Variants in DIABLO observed in about 807,000 individuals in gnomAD.
DIABLO encodes the protein diablo IAP-binding mitochondrial protein.
Under a neutral mutation model 31.7 loss-of-function variants are expected in DIABLO, and 32 were observed. The ratio of observed to expected loss-of-function variants is 1.01; its 90% confidence interval spans 0.76 to 1.35. DIABLO has a LOEUF of 1.35. DIABLO is among the 40% of genes most tolerant of loss of function. The pLI, the probability that DIABLO is intolerant of heterozygous loss-of-function variation, is 0.00. For missense variants in DIABLO, 316 were observed against 286.4 expected, an observed-to-expected ratio of 1.10 and a Z score of -0.75; for synonymous variants, 132 against 103.2, an observed-to-expected ratio of 1.28 and a Z score of -1.69.
At chr12:122,227,395 CG>C (rs1395992455), upstream of DIABLO, 2 of 454,148 alleles carry the variant, frequency 4.4e-6, no homozygotes, top group Admixed American at 4.7e-5. Context: ...TGAAGCTCCG[CG>C]GTTCTGTCTG....
At chr12:122,223,757 T>C (rs1432261695) in intron 2 of DIABLO, among the ~76,000 whole-genome samples, 1 of 152,186 alleles carries the variant, frequency 6.6e-6, no homozygotes, top group African/African-American at 2.4e-5. Flanking sequence ...CACCTTTATC[T>C]AAAACAAAAC....
chr12:122,215,881 AG>A (rs199849918), intron 5 of DIABLO, among the ~76,000 whole-genome samples: 36,167 of 92,690 alleles, frequency 0.39, 5,430 homozygotes, highest in East Asian at 0.68. Flanking sequence ...TATTTTATGA[AG>A]GAAAAAAAAA....
At chr12:122,226,810 C>A (rs1256777257), upstream of DIABLO, among the ~76,000 whole-genome samples, 1 of 152,272 alleles carries the variant, frequency 6.6e-6, no homozygotes, top group African/African-American at 2.4e-5. Flanking sequence ...AAGCCCGGCT[C>A]TTCCCCGCGC....
intron 1 of DIABLO, chr12:122,225,364 G>A (rs187210341): frequency 2.9e-4 from 282 of 982,696 alleles, no homozygotes; most frequent in Admixed American, 1.7e-3. Flanking sequence ...TCCAGCCTGG[G>A]CGACAGAGGC....
chr12:122,209,940 C>T lies in DIABLO; in HGVS notation c.524-1363G>A, dbSNP rs56346591. ...ATCTCTTCATAATTGTACTTAGATTCGAATCATAAATGGCTACTACACTGA... is the reference window on the plus strand; with the variant it reads ...ATCTCTTCATAATTGTACTTAGATTTGAATCATAAATGGCTACTACACTGA... On this transcript the variant is annotated intron_variant, in intron 5 of 5. Transcript: ENST00000464942. 4,963 of 622,732 alleles carry T rather than the reference C, an allele frequency of 8.0e-3. 125 individuals are homozygous for T. Among genetic ancestry groups the T allele is most frequent in the African/African-American group, 0.067 (3,661 of 54,716 alleles). The allele number at this position is 622,732 out of a possible 1,614,324, so 38.6% of individuals were successfully genotyped here.
At chr12:122,212,332 A>C (rs1195502312) in intron 5 of DIABLO, among the ~76,000 whole-genome samples, 1 of 152,200 alleles carries the variant, frequency 6.6e-6, no homozygotes, top group Non-Finnish European at 1.5e-5. Context: ...AAAAAATCTT[A>C]GTAGCTTCTC....
chr12:122,218,198 C>A lies in DIABLO; in HGVS notation c.315+68G>T, dbSNP rs1384501739. On this transcript the variant is annotated intron_variant, in intron 3 of 5. Coordinates refer to ENST00000464942, the MANE Select transcript of DIABLO (RefSeq NM_001371333.1). ...CAAATACCAACATGGGTATCAGACACAATTTGGTTGTGAGCCATTATTTGC... is the reference window on the plus strand; with the variant it reads ...CAAATACCAACATGGGTATCAGACAAAATTTGGTTGTGAGCCATTATTTGC... The A allele has an allele frequency of 7.0e-6, 11 of 1,576,162 alleles. No individual in the cohort carries two copies. In the African/African-American group the frequency reaches 8.1e-5, roughly 12 times the overall value.
intron 5 of DIABLO, chr12:122,209,872 C>T (rs911675959): frequency 1.3e-5 from 9 of 697,006 alleles, no homozygotes; most frequent in Non-Finnish European, 2.4e-5. Context: ...AAAGTCCACA[C>T]AATTAAGTAG....
At position 122,226,036 on chromosome 12, in the gene DIABLO, A is replaced by T. The variant is rs575804286; in HGVS notation, c.-22T>A. 3 of 1,598,392 alleles carry T rather than the reference A, an allele frequency of 1.9e-6. No homozygotes were observed. Among genetic ancestry groups the T allele is most frequent in the Non-Finnish European group, 2.6e-6 (3 of 1,174,186 alleles). On this transcript the variant is annotated 5_prime_UTR_variant, in exon 1 of 6. Transcript: ENST00000464942. ...CCATTGTGCAGCGCGCGGACGCCAG[A>T]CGCACACGCCGGAAGTGACGCAGCT...
intron 5 of DIABLO, among the ~76,000 whole-genome samples, chr12:122,213,305 G>C (rs1292658355): frequency 6.6e-6 from 1 of 151,276 alleles, no homozygotes; most frequent in Admixed American, 6.6e-5. Flanking sequence ...CAAGGCGGGT[G>C]GATCACTTGA....
chr12:122,226,613 C>G, upstream of DIABLO: 1 of 680,480 alleles, frequency 1.5e-6, no homozygotes, highest in Non-Finnish European at 2.7e-6. Flanking sequence ...CGGGCTGGCG[C>G]CGTCCCAGAG....
intron 1 of DIABLO, chr12:122,225,355 C>G (rs576361960): frequency 1.0e-6 from 1 of 978,164 alleles, no homozygotes; most frequent in Non-Finnish European, 1.2e-6. Flanking sequence ...CCACTGCACT[C>G]CAGCCTGGGC....
intron 5 of DIABLO, chr12:122,209,856 C>T: frequency 5.7e-6 from 4 of 701,130 alleles, no homozygotes. Flanking sequence ...GATGAAAACA[C>T]TTCTGAAAGT....
chr12:122,226,637 C>T, upstream of DIABLO: 1 of 669,248 alleles, frequency 1.5e-6, no homozygotes, highest in Non-Finnish European at 2.7e-6. Flanking sequence ...CGGACGGGAA[C>T]ACACGAGGTC....
chr12:122,213,114 G>A (rs1048416511), intron 5 of DIABLO, among the ~76,000 whole-genome samples: 2 of 151,964 alleles, frequency 1.3e-5, no homozygotes, highest in East Asian at 3.9e-4. Flanking sequence ...GGGTTTCATC[G>A]TGTTGTCAAG....
At chr12:122,227,139 T>C (rs1466012514), upstream of DIABLO, among the ~76,000 whole-genome samples, 1 of 152,180 alleles carries the variant, frequency 6.6e-6, no homozygotes, top group African/African-American at 2.4e-5. Context: ...TGCCAGGTGG[T>C]GGGTGGGCAT....
chr12:122,219,865 C>CA lies in DIABLO; in HGVS notation c.184-1469dup, dbSNP rs759696825. ...GGGCGACAGAGCAAGACTCTTTCGC[C>CA]AAAAAAAAAAAAAGTGGATGGGGGA... On this transcript the variant is annotated intron_variant, in intron 2 of 5. Coordinates refer to ENST00000464942, the MANE Select transcript of DIABLO (RefSeq NM_001371333.1). Among the ~76,000 whole-genome samples the CA allele has an allele frequency of 2.4e-3, 284 of 120,398 alleles. 1 individual carries two copies. The highest frequency in any genetic ancestry group is 3.6e-3 in the Admixed American group (43 of 12,030). 79.0% of individuals were successfully genotyped at this position (120,398 alleles called of 152,430 possible).
chr12:122,211,162 G>A (rs915410887), intron 5 of DIABLO, among the ~76,000 whole-genome samples: 1 of 149,944 alleles, frequency 6.7e-6, no homozygotes, highest in African/African-American at 2.5e-5. Context: ...CACTTTGGGA[G>A]GCTGAGGCAG....
chr12:122,209,851 A>T, intron 5 of DIABLO: 1 of 701,684 alleles, frequency 1.4e-6, no homozygotes, highest in Non-Finnish European at 2.6e-6. Context: ...ACTTCGATGA[A>T]AACACTTCTG....
Sources: gnomAD v4.1 joint callset for allele counts (sites outside exome capture counted in the v4.1 genomes callset) on GRCh38, gnomAD v4.1.1 for gene constraint, MANE v1.5 for transcripts, NCBI Gene and HGNC (gene_info 2026-07-23, HGNC 2026-07-21) for gene names.